PTPN14: variants seen among roughly 807,000 people sequenced by gnomAD.
The protein encoded by PTPN14 is protein tyrosine phosphatase non-receptor type 14.
In PTPN14, 53 loss-of-function variants were observed where a neutral mutation model predicts 126.8. That is an observed-to-expected ratio of 0.42 (90% CI 0.34 to 0.53). The LOEUF (loss-of-function observed/expected upper bound fraction) is 0.53. PTPN14 is among the 20% of genes least tolerant of loss of function. PTPN14 has a pLI of 0.08. For missense variants in PTPN14, 1,257 were observed against 1,552.9 expected, an observed-to-expected ratio of 0.81 and a Z score of 3.20; for synonymous variants, 630 against 599.3, an observed-to-expected ratio of 1.05 and a Z score of -0.75.
chr1:214,520,065 A>AAAAAAAAAATATATATATAT, intron 1 of PTPN14, among the ~76,000 whole-genome samples: 6 of 71,096 alleles, frequency 8.4e-5, no homozygotes, highest in Admixed American at 3.2e-4. Context: ...AAAAAAAAAA[A>AAAAAAAAAATATATATATAT]ATATATATAT....
chr1:214,427,013 GCTCACGCCT>G (rs1425122458), intron 3 of PTPN14, among the ~76,000 whole-genome samples: 3 of 152,160 alleles, frequency 2.0e-5, no homozygotes, highest in Non-Finnish European at 4.4e-5. Context: ...CAGCGTGGTG[GCTCACGCCT>G]GTAATCCCAG....
intron 9 of PTPN14, 115 bp from the exon 10 acceptor site, chr1:214,393,892 A>G: frequency 3.7e-6 from 3 of 813,830 alleles, no homozygotes; most frequent in Non-Finnish European, 6.1e-6. Context: ...CTCAAGCACA[A>G]AATAATACAT....
Position 214,372,718 on chromosome 1 carries a change from G to C in PTPN14, c.3029C>G (p.Ala1010Gly). 7 of 1,614,118 alleles carry C rather than the reference G, an allele frequency of 4.3e-6. No individual in the cohort carries two copies. The highest frequency in any genetic ancestry group is 5.9e-6 in the Non-Finnish European group (7 of 1,180,014). The change falls in exon 16 of 19, where the codon GCA (alanine) becomes GGA (glycine). Residue 1010 changes from alanine to glycine, a missense_variant. Ala to Gly is a moderately conservative substitution (Grantham distance 60). This residue lies in a region of PTPN14 where 171 missense variants were observed against 229.8 expected (regional missense o/e 0.74). Coordinates refer to ENST00000366956, the MANE Select transcript of PTPN14 (RefSeq NM_005401.5). ...GTAGGCCATTCCCCTTACCTCCTCT[G>C]CAGTGACCATGGCAATCACATTCAC... is the stretch of plus-strand genomic sequence containing the variant. ...QGVNVIAMVT[A>G]EEEGGRTKSH...
At position 214,364,477 on chromosome 1, in the gene PTPN14, G is replaced by A; in HGVS notation, c.3435+35C>T. The A allele has an allele frequency of 6.2e-7, 1 of 1,604,468 alleles. No homozygotes were observed. Among genetic ancestry groups the A allele is most frequent in the Non-Finnish European group, 8.5e-7 (1 of 1,174,078 alleles). On this transcript the variant is annotated intron_variant, in intron 18 of 18. Transcript: ENST00000366956. This position sits in a 1 kb window ranked among gnomAD's most constrained non-coding sequence, Gnocchi z 4.1. ...GCCAGGGTGTAGACTTGTCCCCAAGGTGGAGTATCCGGAGAGAAGCCCAGA... is the reference window on the plus strand; with the variant it reads ...GCCAGGGTGTAGACTTGTCCCCAAGATGGAGTATCCGGAGAGAAGCCCAGA...
intron 3 of PTPN14, among the ~76,000 whole-genome samples, chr1:214,418,953 G>A (rs1430661926): frequency 6.6e-6 from 1 of 152,196 alleles, no homozygotes; most frequent in African/African-American, 2.4e-5. Context: ...GCTCCCATCT[G>A]GAAGGAGTGG....
chr1:214,505,631 C>A (rs1654821931), intron 1 of PTPN14, among the ~76,000 whole-genome samples: 1 of 152,214 alleles, frequency 6.6e-6, no homozygotes, highest in Admixed American at 6.5e-5. Flanking sequence ...TGCAGTGTCT[C>A]ACGCCTGTAA....
intron 2 of PTPN14, among the ~76,000 whole-genome samples, chr1:214,459,582 C>A (rs915159954): frequency 2.0e-5 from 3 of 151,024 alleles, no homozygotes; most frequent in Non-Finnish European, 4.4e-5. Context: ...TGATTCTCCT[C>A]CCTCAGCCTC....
At chr1:214,423,141 GA>G (rs1323255268) in intron 3 of PTPN14, among the ~76,000 whole-genome samples, 4 of 151,882 alleles carry the variant, frequency 2.6e-5, no homozygotes, top group Non-Finnish European at 5.9e-5. Context: ...AGGGAAGAGG[GA>G]AAGGGGGGAG....
At chr1:214,466,813 T>C (rs756519730) in intron 1 of PTPN14, among the ~76,000 whole-genome samples, 1 of 152,134 alleles carries the variant, frequency 6.6e-6, no homozygotes, top group Non-Finnish European at 1.5e-5. Context: ...GATGTACAAA[T>C]AGGAATAGCT....
At chr1:214,490,918 G>A (rs1661226009) in intron 1 of PTPN14, among the ~76,000 whole-genome samples, 1 of 77,024 alleles carries the variant, frequency 1.3e-5, no homozygotes, top group African/African-American at 5.1e-5. Context: ...GGAAGGGAAG[G>A]AAAGAAAGGA....
At chr1:214,498,238 T>A (rs999051339) in intron 1 of PTPN14, among the ~76,000 whole-genome samples, 2 of 152,222 alleles carry the variant, frequency 1.3e-5, no homozygotes, top group South Asian at 2.1e-4. Context: ...CTCCTTGCTC[T>A]TTCCCTTCTA....
At position 214,376,426 on chromosome 1, in the gene PTPN14, C is replaced by T; in HGVS notation, c.2700G>A (p.Leu900=). 6.2e-7 allele frequency: 1 copy of T among 1,613,282 alleles called. No homozygotes were observed. Among genetic ancestry groups the T allele is most frequent in the Non-Finnish European group, 8.5e-7 (1 of 1,179,256 alleles). The change falls in exon 15 of 19, where the codon CTG becomes CTA. Residue 900 remains leucine (L), a synonymous_variant. Transcript: ENST00000366956. The part of the protein sequence containing the change: ...RVPMDERFRT[L]KKKLEEGMVF... ...CCATTCCCTCTTCTAGTTTCTTCTT[C>T]AGGGTTCTGAACTGCAACAGAAATT...
intron 1 of PTPN14, among the ~76,000 whole-genome samples, chr1:214,488,885 C>T (rs1661171858): frequency 6.6e-6 from 1 of 152,242 alleles, no homozygotes; most frequent in Non-Finnish European, 1.5e-5. Flanking sequence ...CTTGACCTCT[C>T]TGCTATGTTG....
At chr1:214,547,100 G>A (rs1287045476) in intron 1 of PTPN14, among the ~76,000 whole-genome samples, 1 of 152,012 alleles carries the variant, frequency 6.6e-6, no homozygotes, top group Non-Finnish European at 1.5e-5. Context: ...TCATCCACAA[G>A]CATTGCATCA....
chr1:214,383,562 T>G lies in PTPN14; in HGVS notation c.2293A>C (p.Arg765=). 1.9e-6 allele frequency: 3 copies of G among 1,613,836 alleles called. No individual in the cohort carries two copies. Among genetic ancestry groups the G allele is most frequent in the Non-Finnish European group, 2.5e-6 (3 of 1,179,952 alleles). The part of the protein sequence containing the change: ...PRKSVSNGAL[R]QDQASLPPAM... ...GGAGGAAGGCTGGCTTGGTCCTGCC[T>G]CAGAGCCCCATTGCTCACACTCTTC... The change falls in exon 13 of 19, where the codon AGG becomes CGG. Residue 765 remains arginine (R), a synonymous_variant. Coordinates refer to ENST00000366956, the MANE Select transcript of PTPN14 (RefSeq NM_005401.5). This position sits in a 1 kb window ranked among gnomAD's most constrained non-coding sequence, Gnocchi z 4.4.
In PTPN14 at chr1:214,517,720, G is replaced by A. The variant is rs911716871; in HGVS notation, c.-155+33463C>T. ...TTTATATCCATGATCTGAGGCAGGT[G>A]GATTGCTTGAGCTCAGGAGTTTGAG... On this transcript the variant is annotated intron_variant, in intron 1 of 18. Transcript: ENST00000366956. Among the ~76,000 whole-genome samples, 3 of 152,072 alleles carry A rather than the reference G, an allele frequency of 2.0e-5. No homozygotes were observed. In the East Asian group the frequency reaches 5.8e-4, roughly 29 times the overall value.
In PTPN14 at chr1:214,378,003, C is replaced by G; in HGVS notation, c.2644G>C (p.Glu882Gln). 2 of 1,610,890 alleles carry G rather than the reference C, an allele frequency of 1.2e-6. No individual in the cohort carries two copies. The highest frequency in any genetic ancestry group is 1.7e-6 in the Non-Finnish European group (2 of 1,178,928). The change falls in exon 14 of 19, where the codon GAA becomes CAA. Residue 882 changes from glutamate to glutamine, a missense_variant. Glu to Gln is a conservative substitution (Grantham distance 29). Transcript: ENST00000366956. ...GLSVARVSGR[E>Q]ENRVDATRVP... Reference sequence around the variant, plus strand: ...CGGGTGGCATCAACTCGATTCTCTTCCCGCCCTGAGACTCGAGCCACCGAG... The same window carrying G: ...CGGGTGGCATCAACTCGATTCTCTTGCCGCCCTGAGACTCGAGCCACCGAG...
chr1:214,393,791 A>C lies in PTPN14; in HGVS notation c.847-14T>G, dbSNP rs1460735405. 2.0e-5 allele frequency: 31 copies of C among 1,548,784 alleles called. No homozygotes were observed. Among genetic ancestry groups the C allele is most frequent in the African/African-American group, 2.7e-5 (2 of 73,282 alleles). The stretch of plus-strand genomic sequence containing the variant: ...TTCGATATCATCCTTGGAAAAGAAG[A>C]GACAGAGAAAAAAATAAACATTTGT... On this transcript the variant is annotated splice_polypyrimidine_tract_variant and intron_variant, in intron 9 of 18. Coordinates refer to ENST00000366956, the MANE Select transcript of PTPN14 (RefSeq NM_005401.5).
intron 5 of PTPN14, among the ~76,000 whole-genome samples, chr1:214,406,336 G>T (rs1659169691): frequency 1.3e-5 from 2 of 152,004 alleles, no homozygotes; most frequent in Non-Finnish European, 2.9e-5. Context: ...AAATTAGCCA[G>T]GCATGGTGGC....
Sources: allele counts gnomAD v4.1 joint callset (sites outside exome capture counted in the v4.1 genomes callset), GRCh38; gene constraint gnomAD v4.1.1; regional missense constraint gnomAD v4.1.1; non-coding constraint Gnocchi (gnomAD v3.1); transcripts MANE v1.5; gene names NCBI Gene and HGNC (gene_info 2026-07-23, HGNC 2026-07-21).